GNB1L: variants seen among roughly 807,000 people sequenced by gnomAD.
GNB1L encodes guanine nucleotide-binding protein subunit beta-like protein 1.
Under a neutral mutation model 29.1 loss-of-function variants are expected in GNB1L, and 20 were observed. The ratio of observed to expected loss-of-function variants is 0.69; its 90% confidence interval spans 0.48 to 1.00. GNB1L has a LOEUF of 1.00. Ranked by LOEUF, GNB1L falls within the 50% of genes least tolerant of loss-of-function variation. The probability of loss-of-function intolerance (pLI) is 0.00; values close to 1 mark genes in which losing one functional copy is unlikely to be tolerated. For synonymous variants in GNB1L, 193 were observed against 206.5 expected (o/e 0.93, Z 0.56); for missense variants, 421 against 464.9 (o/e 0.91, Z 0.87).
chr22:19,853,709 AC>A (rs1187115516), intron 2 of GNB1L, among the ~76,000 whole-genome samples: 1 of 145,964 alleles, frequency 6.9e-6, no homozygotes, highest in African/African-American at 2.6e-5. Context: ...CTCAGGTCTG[AC>A]CCCCCTCTGG....
rs111445084 is a variant in GNB1L at position 19,823,967 on chromosome 22, G to A, written c.-20-2592C>T. 2.8e-3 allele frequency among the ~76,000 whole-genome samples: 430 copies of A among 152,312 alleles called. 1 individual carries two copies. The highest frequency in any genetic ancestry group is 1.0e-2 in the African/African-American group (414 of 41,570). Reference sequence around the variant, plus strand: ...CCTTGGGCGGTGCCAGCCGAAGCCCGGCCCCCACATGCCACCTGCCTGGGG... The same window carrying A: ...CCTTGGGCGGTGCCAGCCGAAGCCCAGCCCCCACATGCCACCTGCCTGGGG... On this transcript the variant is annotated intron_variant, in intron 2 of 7. Coordinates refer to ENST00000329517, the MANE Select transcript of GNB1L (RefSeq NM_053004.3).
In GNB1L at chr22:19,787,240, T is replaced by TC. The variant is rs1330072601; in HGVS notation, c.*1468dup. 1 of 152,602 alleles carries TC rather than the reference T, an allele frequency of 6.6e-6. No individual in the cohort carries two copies. Among genetic ancestry groups the TC allele is most frequent in the Non-Finnish European group, 1.5e-5 (1 of 68,432 alleles). The allele number at this position is 152,602 out of a possible 1,614,324, so 9.5% of individuals were successfully genotyped here. Reference sequence around the variant, plus strand: ...CCCCATCCCCAGGCCTTGGAAGCCCTCCTCGGCTGTACCCCACGGCGGCTG... The same window carrying TC: ...CCCCATCCCCAGGCCTTGGAAGCCCTCCCTCGGCTGTACCCCACGGCGGCTG... On this transcript the variant is annotated 3_prime_UTR_variant, in exon 8 of 8. Coordinates refer to ENST00000329517, the MANE Select transcript of GNB1L (RefSeq NM_053004.3).
chr22:19,790,268 C>A (rs9618690), intron 7 of GNB1L, among the ~76,000 whole-genome samples: 2,928 of 152,164 alleles, frequency 0.019, 82 homozygotes, highest in African/African-American at 0.06. Context: ...GCTATGGAAC[C>A]GGTTATTATA....
chr22:19,792,992 C>A (rs1160717133), intron 7 of GNB1L: 9 of 1,542,464 alleles, frequency 5.8e-6, no homozygotes, highest in Non-Finnish European at 8.0e-6. Flanking sequence ...ACGATGAGAT[C>A]CGCCGTCACT....
At chr22:19,813,770 G>A (rs1236816821) in intron 4 of GNB1L, among the ~76,000 whole-genome samples, 1 of 152,180 alleles carries the variant, frequency 6.6e-6, no homozygotes, top group East Asian at 1.9e-4. Context: ...CAAGGCAGGA[G>A]GATTGCTTGA....
intron 4 of GNB1L, among the ~76,000 whole-genome samples, chr22:19,814,849 A>G (rs182568312): frequency 4.8e-4 from 73 of 152,300 alleles, no homozygotes; most frequent in African/African-American, 1.7e-3. Context: ...TCTGGGTAAC[A>G]TAGTGAGACT....
intron 2 of GNB1L, among the ~76,000 whole-genome samples, chr22:19,844,301 G>A (rs915940281): frequency 6.6e-6 from 1 of 152,238 alleles, no homozygotes; most frequent in African/African-American, 2.4e-5. Flanking sequence ...GTTCTCCCCC[G>A]AGGCACTGCC....
In GNB1L at chr22:19,802,066, C is replaced by T; in HGVS notation, c.667G>A (p.Gly223Ser). ...GCCTTCCCCGCGGAGCCTGAGATGCCCCTGGCCTTCTGGGAGTCAAAGTCA... is the reference window on the plus strand; with the variant it reads ...GCCTTCCCCGCGGAGCCTGAGATGCTCCTGGCCTTCTGGGAGTCAAAGTCA... The part of the protein sequence containing the change: ...DLDFDSQKAR[G>S]ISGSAGKALA... Residue 223 changes from glycine (G) to serine (S), a missense_variant, in exon 7 of 8, where the codon GGC (glycine) becomes AGC (serine). Coordinates refer to ENST00000329517, the MANE Select transcript of GNB1L (RefSeq NM_053004.3). The T allele has an allele frequency of 1.2e-6, 2 of 1,613,070 alleles. No individual in the cohort carries two copies. The highest frequency in any genetic ancestry group is 1.1e-5 in the South Asian group (1 of 90,960).
chr22:19,820,462 T>G, intron 4 of GNB1L, 136 bp downstream of exon 4: 1 of 943,528 alleles, frequency 1.1e-6, no homozygotes, highest in Non-Finnish European at 1.6e-6. Context: ...ACCCTGCCCT[T>G]GCTGCGGACC....
At chr22:19,823,092 C>T (rs898339614) in intron 2 of GNB1L, among the ~76,000 whole-genome samples, 5 of 152,136 alleles carry the variant, frequency 3.3e-5, no homozygotes, top group Non-Finnish European at 5.9e-5. Context: ...CGAGAGACCT[C>T]GGGCAGCCAC....
At chr22:19,817,374 G>A (rs1490135793) in intron 4 of GNB1L, among the ~76,000 whole-genome samples, 4 of 152,160 alleles carry the variant, frequency 2.6e-5, no homozygotes, top group African/African-American at 7.2e-5. Flanking sequence ...CCAGCTACTC[G>A]GGAGGCTGAG....
intron 5 of GNB1L, among the ~76,000 whole-genome samples, chr22:19,811,366 G>A (rs1412609456): frequency 3.9e-5 from 6 of 152,120 alleles, no homozygotes; most frequent in African/African-American, 1.2e-4. Context: ...TAGCCCCCAC[G>A]TGTGCGCCCC....
chr22:19,843,518 C>T (rs1227050206), intron 2 of GNB1L, among the ~76,000 whole-genome samples: 2 of 152,332 alleles, frequency 1.3e-5, no homozygotes, highest in Admixed American at 6.5e-5. Flanking sequence ...CAGGGCTGAC[C>T]GATGTCAGTC....
chr22:19,824,727 C>G (rs910721760), intron 2 of GNB1L, among the ~76,000 whole-genome samples: 1 of 152,224 alleles, frequency 6.6e-6, no homozygotes, highest in Non-Finnish European at 1.5e-5. Context: ...CAGAGAGGTC[C>G]ACAGACACCC....
rs1224008580 is a variant in GNB1L at position 19,801,986 on chromosome 22, G to A, written c.732+15C>T. Reference sequence around the variant, plus strand: ...CAGAGCAGGATAAATGAGACCCGGGGCCTGGCGCACTGACCTGCAGGGCCT... The same window carrying A: ...CAGAGCAGGATAAATGAGACCCGGGACCTGGCGCACTGACCTGCAGGGCCT... On this transcript the variant is annotated intron_variant, in intron 7 of 7. Coordinates refer to ENST00000329517, the MANE Select transcript of GNB1L (RefSeq NM_053004.3). 1 of 1,556,778 alleles carries A rather than the reference G, an allele frequency of 6.4e-7. No individual in the cohort carries two copies.
In GNB1L at chr22:19,812,356, A is replaced by G. The variant is rs770820673; in HGVS notation, c.346T>C (p.Cys116Arg). The change falls in exon 5 of 8, where the codon TGC (cysteine) becomes CGC (arginine). Residue 116 changes from cysteine (C) to arginine (R), a missense_variant. Transcript: ENST00000329517. ...CCCCCGGCCAGGATGCTGCTCCGGC[A>G]GAAGCCCACACTCTCCAAGCACACG... ...DSVCLESVGF[C>R]RSSILAGGQP... The G allele has an allele frequency of 6.2e-7, 1 of 1,613,230 alleles. No homozygotes were observed. Among genetic ancestry groups the G allele is most frequent in the Non-Finnish European group, 8.5e-7 (1 of 1,179,976 alleles).
At chr22:19,845,031 G>C (rs1937931368) in intron 2 of GNB1L, among the ~76,000 whole-genome samples, 1 of 152,218 alleles carries the variant, frequency 6.6e-6, no homozygotes, top group Non-Finnish European at 1.5e-5. Context: ...CTTGGTCGGA[G>C]CTGGAGGAGG....
At chr22:19,797,248 G>C (rs940316510) in intron 7 of GNB1L, among the ~76,000 whole-genome samples, 8 of 151,968 alleles carry the variant, frequency 5.3e-5, no homozygotes, top group African/African-American at 1.7e-4. Context: ...CCTGTCACTA[G>C]GCAGGTGGTG....
chr22:19,839,402 A>G (rs1937819299), intron 2 of GNB1L, among the ~76,000 whole-genome samples: 1 of 152,090 alleles, frequency 6.6e-6, no homozygotes, highest in Non-Finnish European at 1.5e-5. Context: ...CCCTATATAC[A>G]CCATGTTTTT....
Sources: allele counts gnomAD v4.1 joint callset (sites outside exome capture counted in the v4.1 genomes callset), GRCh38; gene constraint gnomAD v4.1.1; transcripts MANE v1.5; gene names NCBI Gene and HGNC (gene_info 2026-07-23, HGNC 2026-07-21).